SLC35F3: variants seen among roughly 807,000 people sequenced by gnomAD.
SLC35F3 encodes putative thiamine transporter SLC35F3.
In SLC35F3, 25 loss-of-function variants were observed where a neutral mutation model predicts 49.9. The observed-to-expected ratio is 0.50, with a 90% CI of 0.37 to 0.70. The LOEUF is 0.70. Ranked by LOEUF, SLC35F3 falls within the 30% of genes least tolerant of loss-of-function variation. SLC35F3 has a pLI of 0.00. For missense variants in SLC35F3, 525 were observed against 639.8 expected, an observed-to-expected ratio of 0.82 and a Z score of 1.94; for synonymous variants, 275 against 265.4, an observed-to-expected ratio of 1.04 and a Z score of -0.35.
At chr1:234,134,205 AACTG>A (rs953771210) in intron 2 of SLC35F3, among the ~76,000 whole-genome samples, 2 of 151,524 alleles carry the variant, frequency 1.3e-5, no homozygotes, top group South Asian at 2.1e-4. Context: ...CAGTGAACAA[AACTG>A]ACTAAGTTTC....
intron 2 of SLC35F3, among the ~76,000 whole-genome samples, chr1:233,964,569 G>A (rs1222507133): frequency 6.6e-6 from 1 of 152,252 alleles, no homozygotes; most frequent in African/African-American, 2.4e-5. Flanking sequence ...CTGTAAAGGA[G>A]GCGAATCAGG....
chr1:234,112,587 A>C, intron 2 of SLC35F3, among the ~76,000 whole-genome samples: 1 of 132,478 alleles, frequency 7.5e-6, no homozygotes, highest in African/African-American at 2.8e-5. Context: ...ACAGAGTCTC[A>C]CTCTGTCACC....
intron 3 of SLC35F3, among the ~76,000 whole-genome samples, chr1:234,278,509 AAAAAAAAG>A (rs1428388548): frequency 6.6e-6 from 1 of 151,454 alleles, no homozygotes; most frequent in African/African-American, 2.4e-5. Flanking sequence ...AAAAAAACGA[AAAAAAAAG>A]AGAAAAAACT....
At chr1:233,981,532 G>A (rs1476191025) in intron 2 of SLC35F3, among the ~76,000 whole-genome samples, 1 of 152,186 alleles carries the variant, frequency 6.6e-6, no homozygotes, top group East Asian at 1.9e-4. Flanking sequence ...CAGCGTGGAT[G>A]TGTCACAATT....
intron 2 of SLC35F3, among the ~76,000 whole-genome samples, chr1:233,931,811 A>G (rs1662246847): frequency 1.3e-5 from 2 of 152,246 alleles, no homozygotes; most frequent in Non-Finnish European, 1.5e-5. Flanking sequence ...CCAAAGGATT[A>G]TAAATCATGC....
At chr1:233,984,388 G>A (rs1020934070) in intron 2 of SLC35F3, among the ~76,000 whole-genome samples, 2 of 152,230 alleles carry the variant, frequency 1.3e-5, no homozygotes, top group African/African-American at 4.8e-5. Context: ...GCCAAGCAAG[G>A]AGGACCAGGC....
rs1364088388 is a variant in SLC35F3, at chr1:234,017,703, G to T, written c.283+111945G>T. Among the ~76,000 whole-genome samples the T allele has an allele frequency of 3.5e-5, 4 of 113,318 alleles. No homozygotes were observed. In the Admixed American group the frequency reaches 4.2e-4, roughly 12 times the overall value. The allele number at this position is 113,318 out of a possible 152,430, so 74.3% of individuals were successfully genotyped here. A position where few individuals can be genotyped will look rare whatever the true frequency, so the allele number is the denominator to read the frequency against. ...TACTCCAGCCTGGGAGACAGAGCGA[G>T]ACTTTGTCTCAGAAAAAAAAAAAAA... On this transcript the variant is annotated intron_variant, in intron 2 of 7. Transcript: ENST00000366618.
chr1:234,216,544 T>C (rs998616874), intron 2 of SLC35F3, among the ~76,000 whole-genome samples: 1 of 152,212 alleles, frequency 6.6e-6, no homozygotes, highest in African/African-American at 2.4e-5. Flanking sequence ...CCCTTAGGGC[T>C]GCTGCCAAAA....
chr1:233,910,787 C>T (rs893299359), intron 2 of SLC35F3, among the ~76,000 whole-genome samples: 4 of 152,128 alleles, frequency 2.6e-5, no homozygotes, highest in South Asian at 2.1e-4. Flanking sequence ...CTTTGTTGAA[C>T]GTCAACTATT....
rs188392693 is a variant in SLC35F3, at chr1:234,076,276, T to A, written c.284-155141T>A. On this transcript the variant is annotated intron_variant, in intron 2 of 7. Transcript: ENST00000366618. Reference sequence around the variant, plus strand: ...AGCCCCATTAATTCTGAGAGGATAGTTTGGAACCCAGAAAGCATATTTTAA... The same window carrying A: ...AGCCCCATTAATTCTGAGAGGATAGATTGGAACCCAGAAAGCATATTTTAA... Among the ~76,000 whole-genome samples the A allele has an allele frequency of 7.2e-4, 109 of 151,808 alleles. 1 individual carries two copies. The highest frequency in any genetic ancestry group is 2.4e-3 in the African/African-American group (99 of 41,474).
chr1:234,150,964 G>A (rs753790637), intron 2 of SLC35F3, among the ~76,000 whole-genome samples: 10 of 152,120 alleles, frequency 6.6e-5, no homozygotes, highest in East Asian at 1.9e-4. Flanking sequence ...TAAGAAGCAC[G>A]CTAAAACTGG....
At chr1:234,066,713 C>T (rs1037811887) in intron 2 of SLC35F3, among the ~76,000 whole-genome samples, 3 of 151,594 alleles carry the variant, frequency 2.0e-5, no homozygotes, top group Non-Finnish European at 4.4e-5. Flanking sequence ...CTCTCTGTCT[C>T]TCTCTCTCTT....
chr1:234,211,815 T>C (rs1667049644), intron 2 of SLC35F3, among the ~76,000 whole-genome samples: 1 of 152,184 alleles, frequency 6.6e-6, no homozygotes, highest in Non-Finnish European at 1.5e-5. Context: ...GGGGGATAGA[T>C]GGGAAGGCAA....
At position 234,202,304 on chromosome 1, in the gene SLC35F3, G is replaced by C. The variant is rs545148184; in HGVS notation, c.284-29113G>C. Among the ~76,000 whole-genome samples, 6 of 152,222 alleles carry C rather than the reference G, an allele frequency of 3.9e-5. No homozygotes were observed. In the South Asian group the frequency reaches 1.2e-3, roughly 32 times the overall value. ...TAAAATAAAACCTTTTTTTAAAAAG[G>C]TGTGTGCAAATGCTCAGGGCCATGT... On this transcript the variant is annotated intron_variant, in intron 2 of 7. Transcript: ENST00000366618.
At chr1:234,073,525 A>C (rs1664750559) in intron 2 of SLC35F3, among the ~76,000 whole-genome samples, 1 of 152,220 alleles carries the variant, frequency 6.6e-6, no homozygotes, top group African/African-American at 2.4e-5. Flanking sequence ...TCATGGAAAG[A>C]AGCAGCAGCC....
chr1:233,968,185 A>C (rs77747531), intron 2 of SLC35F3, among the ~76,000 whole-genome samples: 1,674 of 152,204 alleles, frequency 0.011, 19 homozygotes, highest in Non-Finnish European at 0.015. Flanking sequence ...CCATCACTCC[A>C]ATCTCTGCCT....
At chr1:234,321,990 G>C (rs1657632494) in intron 7 of SLC35F3, among the ~76,000 whole-genome samples, 1 of 151,928 alleles carries the variant, frequency 6.6e-6, no homozygotes, top group South Asian at 2.1e-4. Context: ...AGACCAGCCT[G>C]AGCAACATGA....
At chr1:234,060,408 T>C (rs1484494005) in intron 2 of SLC35F3, among the ~76,000 whole-genome samples, 2 of 152,200 alleles carry the variant, frequency 1.3e-5, no homozygotes, top group Non-Finnish European at 2.9e-5. Flanking sequence ...CTAACTTAAT[T>C]GCAGTGAGCG....
intron 2 of SLC35F3, among the ~76,000 whole-genome samples, chr1:234,049,564 A>T (rs541691040): frequency 2.0e-5 from 3 of 152,186 alleles, no homozygotes; most frequent in Admixed American, 1.3e-4. Context: ...TAGGCCACTC[A>T]GTCTGTGGTA....
Sources: gnomAD v4.1 joint callset for allele counts (sites outside exome capture counted in the v4.1 genomes callset) on GRCh38, gnomAD v4.1.1 for gene constraint, MANE v1.5 for transcripts, NCBI Gene and HGNC (gene_info 2026-07-23, HGNC 2026-07-21) for gene names.